The following IP6K1 variants were observed in gnomAD, a reference collection of about 807,000 sequenced individuals.
IP6K1 encodes the protein inositol hexakisphosphate kinase 1.
IP6K1 carries 13 observed loss-of-function variants against 38.3 expected under a neutral mutation model. That is an observed-to-expected ratio of 0.34 (90% CI 0.22 to 0.54). The LOEUF is 0.54. Ranked by LOEUF, IP6K1 falls within the 20% of genes least tolerant of loss-of-function variation. The probability of loss-of-function intolerance (pLI) is 0.92; values close to 1 mark genes in which losing one functional copy is unlikely to be tolerated. For synonymous variants in IP6K1, 212 were observed against 229.9 expected (o/e 0.92, Z 0.70); for missense variants, 397 against 599.8 (o/e 0.66, Z 3.53).
At chr3:49,753,126 C>T (rs1252766742) in intron 1 of IP6K1, among the ~76,000 whole-genome samples, 1 of 152,070 alleles carries the variant, frequency 6.6e-6, no homozygotes. Flanking sequence ...CATTCCTTCC[C>T]ACCCCCATTT....
Position 49,727,922 on chromosome 3 carries a change from T to C in IP6K1, c.792+181A>G, listed in dbSNP as rs147312277. On this transcript the variant is annotated intron_variant, in intron 5 of 5. Coordinates refer to ENST00000321599, the MANE Select transcript of IP6K1 (RefSeq NM_153273.4). This position sits in a 1 kb window ranked among gnomAD's most constrained non-coding sequence, Gnocchi z 5.9. ...TCTTGTTGACAGGCAAGAGTCTTAT[T>C]TGTCCCAATGTCGAGGCAGCAGACT... Among the ~76,000 whole-genome samples, 30 of 152,274 alleles carry C rather than the reference T, an allele frequency of 2.0e-4. No individual in the cohort carries two copies. Among genetic ancestry groups the C allele is most frequent in the African/African-American group, 5.5e-4 (23 of 41,548 alleles).
chr3:49,752,756 CTT>C (rs769412230), intron 1 of IP6K1, among the ~76,000 whole-genome samples: 21 of 136,460 alleles, frequency 1.5e-4, no homozygotes, highest in Admixed American at 3.0e-4. Context: ...TGCGCCTAGC[CTT>C]TTTTTTTTTT....
At chr3:49,768,277 T>C (rs1254588440) in intron 1 of IP6K1, among the ~76,000 whole-genome samples, 1 of 152,196 alleles carries the variant, frequency 6.6e-6, no homozygotes, top group East Asian at 1.9e-4. Flanking sequence ...AACCAAATGG[T>C]GTCTACGACC....
intron 2 of IP6K1, among the ~76,000 whole-genome samples, chr3:49,739,885 C>T (rs142345424): frequency 1.3e-5 from 2 of 152,006 alleles, no homozygotes; most frequent in African/African-American, 2.4e-5. Flanking sequence ...CATGGTGGTG[C>T]GTGCCTATAA....
At chr3:49,750,940 C>G (rs2080771515) in intron 1 of IP6K1, among the ~76,000 whole-genome samples, 1 of 152,030 alleles carries the variant, frequency 6.6e-6, no homozygotes, top group African/African-American at 2.4e-5. Context: ...TCTTAATAAC[C>G]CTGAAATCTG....
intron 4 of IP6K1, among the ~76,000 whole-genome samples, chr3:49,728,985 G>A (rs192740585): frequency 1.7e-4 from 25 of 146,578 alleles, no homozygotes; most frequent in African/African-American, 6.0e-4. Flanking sequence ...ATGGAGTCTC[G>A]TTCTGTCACC....
At chr3:49,735,492 A>C (rs1320763797) in intron 3 of IP6K1, among the ~76,000 whole-genome samples, 1 of 152,212 alleles carries the variant, frequency 6.6e-6, no homozygotes, top group East Asian at 1.9e-4. Context: ...ATTAGTCAAG[A>C]AGCAGCCTCT....
intron 1 of IP6K1, among the ~76,000 whole-genome samples, chr3:49,749,238 C>T (rs2080750691): frequency 6.6e-6 from 1 of 152,152 alleles, no homozygotes; most frequent in Non-Finnish European, 1.5e-5. Flanking sequence ...TTGCTTTTCC[C>T]AAAGGAATTC....
chr3:49,770,799 A>AAT (rs2080950579), intron 1 of IP6K1, among the ~76,000 whole-genome samples: 1 of 152,312 alleles, frequency 6.6e-6, no homozygotes, highest in South Asian at 2.1e-4. Context: ...GGACTTCATC[A>AAT]AAATTGAAAA....
At chr3:49,784,891 G>A (rs1379674023) in intron 1 of IP6K1, among the ~76,000 whole-genome samples, 1 of 152,194 alleles carries the variant, frequency 6.6e-6, no homozygotes, top group African/African-American at 2.4e-5. Flanking sequence ...GTTGCAGTGA[G>A]CCGAGATGGC....
rs1025623379 is a variant in IP6K1 at position 49,781,341 on chromosome 3, G to C, written c.-129+5013C>G. On this transcript the variant is annotated intron_variant, in intron 1 of 5. Transcript: ENST00000321599. ...GCCTCCCAAAGTGCTGGGATTACAGGCGTGACCCACTGTGCCGGCCTAAAA... is the reference window on the plus strand; with the variant it reads ...GCCTCCCAAAGTGCTGGGATTACAGCCGTGACCCACTGTGCCGGCCTAAAA... Among the ~76,000 whole-genome samples the C allele has an allele frequency of 5.3e-5, 8 of 152,310 alleles. No individual in the cohort carries two copies. The East Asian group carries it at 1.5e-3, about 29-fold the overall frequency.
At chr3:49,778,264 G>A (rs1202561869) in intron 1 of IP6K1, among the ~76,000 whole-genome samples, 3 of 151,410 alleles carry the variant, frequency 2.0e-5, no homozygotes, top group Non-Finnish European at 4.4e-5. Context: ...GGTGGAGGTT[G>A]CAGTGAACTG....
At chr3:49,774,802 T>G (rs2108261195) in intron 1 of IP6K1, among the ~76,000 whole-genome samples, 1 of 152,338 alleles carries the variant, frequency 6.6e-6, no homozygotes, top group South Asian at 2.1e-4. Flanking sequence ...TTGTGTACAC[T>G]GAGTTATTGA....
chr3:49,759,088 A>G (rs916575296), intron 1 of IP6K1, among the ~76,000 whole-genome samples: 3 of 151,494 alleles, frequency 2.0e-5, no homozygotes, highest in African/African-American at 7.3e-5. Flanking sequence ...AAAAAAAAAT[A>G]CCTTCTATCT....
chr3:49,731,816 A>C (rs1299621796), intron 4 of IP6K1, among the ~76,000 whole-genome samples: 1 of 141,290 alleles, frequency 7.1e-6, no homozygotes, highest in Non-Finnish European at 1.5e-5. Flanking sequence ...TGAACCCGGG[A>C]GGCGGAGGTT....
At chr3:49,782,819 G>T (rs1313554401) in intron 1 of IP6K1, among the ~76,000 whole-genome samples, 1 of 151,542 alleles carries the variant, frequency 6.6e-6, no homozygotes. Flanking sequence ...CTTAAAAAAG[G>T]CCAGGCGTGG....
chr3:49,733,226 C>G (rs551768939), intron 3 of IP6K1, among the ~76,000 whole-genome samples: 1 of 151,084 alleles, frequency 6.6e-6, no homozygotes, highest in South Asian at 2.1e-4. Context: ...GATGAAAATA[C>G]CACTTCACAT....
At chr3:49,742,292 G>C (rs1210442013) in intron 2 of IP6K1, among the ~76,000 whole-genome samples, 1 of 152,240 alleles carries the variant, frequency 6.6e-6, no homozygotes, top group Non-Finnish European at 1.5e-5. Flanking sequence ...GCTTACGCCT[G>C]TAATCCCAGC....
Position 49,738,199 on chromosome 3 carries a change from A to C in IP6K1, c.434+13T>G. The C allele has an allele frequency of 1.2e-6, 2 of 1,605,264 alleles. No individual in the cohort carries two copies. Among genetic ancestry groups the C allele is most frequent in the Non-Finnish European group, 1.7e-6 (2 of 1,171,980 alleles). ...AGTGCTTGTACCAGCAGGACGAAAC[A>C]TGTACCTCTTACCTCTCAGAGGTCT... is the stretch of plus-strand genomic sequence containing the variant. On this transcript the variant is annotated intron_variant, in intron 3 of 5. Transcript: ENST00000321599.
Sources: allele counts gnomAD v4.1 joint callset (sites outside exome capture counted in the v4.1 genomes callset), GRCh38; gene constraint gnomAD v4.1.1; non-coding constraint Gnocchi (gnomAD v3.1); transcripts MANE v1.5; gene names NCBI Gene and HGNC (gene_info 2026-07-23, HGNC 2026-07-21).